The following RSPO4 variants were observed in gnomAD, a reference collection of about 807,000 sequenced individuals.
RSPO4 encodes R-spondin 4.
A neutral mutation model predicts 24.8 loss-of-function variants in RSPO4; 23 were observed. The observed-to-expected ratio is 0.93, with a 90% CI of 0.67 to 1.31. The LOEUF (loss-of-function observed/expected upper bound fraction) is 1.31. Among genes scored for constraint, RSPO4 ranks in the 40% most tolerant of loss-of-function variants. RSPO4 has a pLI of 0.00. For missense variants in RSPO4, 333 were observed against 316.5 expected (o/e 1.05, Z -0.39); for synonymous variants, 141 against 127.4 (o/e 1.11, Z -0.72).
intron 1 of RSPO4, among the ~76,000 whole-genome samples, chr20:988,661 C>T (rs199787996): frequency 6.6e-6 from 1 of 152,086 alleles, no homozygotes; most frequent in East Asian, 1.9e-4. Flanking sequence ...AGCAATTCTC[C>T]TGCCTCAGCT....
chr20:968,757 A>G (rs1175664119), intron 1 of RSPO4, among the ~76,000 whole-genome samples: 2 of 152,340 alleles, frequency 1.3e-5, no homozygotes, highest in East Asian at 1.9e-4. Flanking sequence ...ATACTCAGCA[A>G]TACTCCATTT....
At chr20:988,078 C>T (rs1029601823) in intron 1 of RSPO4, among the ~76,000 whole-genome samples, 1 of 152,154 alleles carries the variant, frequency 6.6e-6, no homozygotes, top group Non-Finnish European at 1.5e-5. Context: ...GCACTCTTGG[C>T]GGAGGGACCA....
intron 4 of RSPO4, among the ~76,000 whole-genome samples, chr20:961,552 C>T (rs1983998307): frequency 6.6e-6 from 1 of 152,168 alleles, no homozygotes; most frequent in South Asian, 2.1e-4. Context: ...CTCTGGGGCT[C>T]CCCACGCCCA....
At chr20:997,933 G>A (rs1985347079) in intron 1 of RSPO4, among the ~76,000 whole-genome samples, 1 of 152,244 alleles carries the variant, frequency 6.6e-6, no homozygotes, top group African/African-American at 2.4e-5. Context: ...CTGCTCTGCT[G>A]TAAAATGGGA....
rs377299234 is a variant in RSPO4 at position 964,094 on chromosome 20, C to T, written c.436G>A (p.Gly146Ser). The change falls in exon 4 of 5, where the codon GGC becomes AGC. Residue 146 changes from glycine (G) to serine (S), a missense_variant. Gly to Ser is a moderately conservative substitution (Grantham distance 56). Transcript: ENST00000217260. ...QGECELGPWG[G>S]WSPCTHNGKT... Reference sequence around the variant, plus strand: ...CCATTGTGTGTGCAGGGGCTCCAGCCGCCCCAGGGACCCAGTTCACACTCC... The same window carrying T: ...CCATTGTGTGTGCAGGGGCTCCAGCTGCCCCAGGGACCCAGTTCACACTCC... The T allele has an allele frequency of 2.5e-5, 40 of 1,613,096 alleles. No homozygotes were observed. The highest frequency in any genetic ancestry group is 9.3e-5 in the African/African-American group (7 of 74,902).
intron 4 of RSPO4, among the ~76,000 whole-genome samples, chr20:963,378 A>G (rs1984067465): frequency 6.6e-6 from 1 of 152,152 alleles, no homozygotes; most frequent in Admixed American, 6.5e-5. Context: ...TCAGAGATCA[A>G]TTGGGTTGGA....
chr20:960,476 G>C lies in RSPO4; in HGVS notation c.596-10C>G, dbSNP rs576270623. 6.5e-7 allele frequency: 1 copy of C among 1,534,196 alleles called. No homozygotes were observed. Among genetic ancestry groups the C allele is most frequent in the Admixed American group, 2.0e-5 (1 of 51,016 alleles). ...TGGCCGGGGCTCCTCTCTGCAATGA[G>C]AGGACAGAGCCCGGTGACCAAGGCT... On this transcript the variant is annotated splice_polypyrimidine_tract_variant and intron_variant, in intron 4 of 4. Transcript: ENST00000217260.
intron 1 of RSPO4, among the ~76,000 whole-genome samples, chr20:996,067 T>C (rs1305983773): frequency 2.0e-5 from 3 of 152,154 alleles, no homozygotes; most frequent in East Asian, 1.9e-4. Flanking sequence ...TGGACCAAAT[T>C]TGGATGTTTT....
At chr20:965,510 G>C (rs1178459103) in intron 3 of RSPO4, among the ~76,000 whole-genome samples, 1 of 152,246 alleles carries the variant, frequency 6.6e-6, no homozygotes, top group Non-Finnish European at 1.5e-5. Flanking sequence ...AAAAGAAATT[G>C]AGCAGACTAT....
intron 3 of RSPO4, among the ~76,000 whole-genome samples, chr20:966,292 G>A (rs1244431917): frequency 2.6e-5 from 4 of 152,188 alleles, no homozygotes; most frequent in Non-Finnish European, 5.9e-5. Context: ...GTGTGACAAG[G>A]AGCTGTTAGG....
chr20:992,290 G>A (rs1277932706), intron 1 of RSPO4, among the ~76,000 whole-genome samples: 1 of 138,214 alleles, frequency 7.2e-6, no homozygotes, highest in African/African-American at 3.0e-5. Context: ...TTTTGAGACG[G>A]AGTTTCGCTC....
At chr20:987,038 G>T (rs970520033) in intron 1 of RSPO4, among the ~76,000 whole-genome samples, 2 of 152,188 alleles carry the variant, frequency 1.3e-5, no homozygotes, top group African/African-American at 4.8e-5. Flanking sequence ...GTAGCCTGAG[G>T]TAGTAACAGC....
intron 2 of RSPO4, 134 bp from the exon 3 acceptor site, chr20:967,448 T>C: frequency 1.1e-6 from 1 of 909,204 alleles, no homozygotes; most frequent in Non-Finnish European, 1.8e-6. Context: ...GTGTCTCCTT[T>C]GAAGCCCAGA....
At chr20:963,854 T>C in intron 4 of RSPO4, 81 bp downstream of exon 4, 1 of 1,397,240 alleles carries the variant, frequency 7.2e-7, no homozygotes, top group South Asian at 1.2e-5. Context: ...ATAGATACTA[T>C]TTGTGGGGCA....
intron 1 of RSPO4, among the ~76,000 whole-genome samples, chr20:977,887 A>ATG (rs11472481): frequency 0.17 from 25,699 of 152,118 alleles, 5,300 homozygotes; most frequent in African/African-American, 0.49. Context: ...TGCAGGACGC[A>ATG]TGTCACCGAT....
chr20:1,001,384 C>T (rs1985457435), intron 1 of RSPO4, among the ~76,000 whole-genome samples: 1 of 152,188 alleles, frequency 6.6e-6, no homozygotes, highest in Non-Finnish European at 1.5e-5. Flanking sequence ...CACAGCGAGG[C>T]TGTGGCATAG....
intron 4 of RSPO4, among the ~76,000 whole-genome samples, chr20:963,010 A>G (rs1240062164): frequency 6.6e-6 from 1 of 152,222 alleles, no homozygotes; most frequent in Non-Finnish European, 1.5e-5. Flanking sequence ...AACACTGCCA[A>G]TACTACTCAC....
chr20:961,734 C>T (rs1289357082), intron 4 of RSPO4, among the ~76,000 whole-genome samples: 1 of 152,072 alleles, frequency 6.6e-6, no homozygotes. Flanking sequence ...CCTACCCCTT[C>T]CCTAGGCCTG....
chr20:980,844 G>A (rs1359640587), intron 1 of RSPO4, among the ~76,000 whole-genome samples: 1 of 152,210 alleles, frequency 6.6e-6, no homozygotes, highest in Non-Finnish European at 1.5e-5. Context: ...CGTTTATGGT[G>A]TGCCCAGGGT....
Sources: gnomAD v4.1 joint callset for allele counts (sites outside exome capture counted in the v4.1 genomes callset) on GRCh38, gnomAD v4.1.1 for gene constraint, MANE v1.5 for transcripts, NCBI Gene and HGNC (gene_info 2026-07-23, HGNC 2026-07-21) for gene names.